CDYL2: variants seen among roughly 807,000 people sequenced by gnomAD.
CDYL2 encodes the protein chromodomain Y-like protein 2.
Under a neutral mutation model 49.4 loss-of-function variants are expected in CDYL2, and 23 were observed. The observed-to-expected ratio is 0.47, with a 90% CI of 0.34 to 0.66. The LOEUF (loss-of-function observed/expected upper bound fraction) is 0.66, where lower values mean the gene tolerates loss of function less well. Among genes scored for constraint, CDYL2 ranks in the 30% least tolerant of loss-of-function variants. CDYL2 has a pLI of 0.01. For missense variants in CDYL2, 678 were observed against 656.4 expected, an observed-to-expected ratio of 1.03 and a Z score of -0.36; for synonymous variants, 360 against 268.8, an observed-to-expected ratio of 1.34 and a Z score of -3.32.
At position 80,715,621 on chromosome 16, in the gene CDYL2, T is replaced by C. The variant is rs143217883; in HGVS notation, c.25-30492A>G. Among the ~76,000 whole-genome samples, 824 of 152,266 alleles carry C rather than the reference T, an allele frequency of 5.4e-3. 8 individuals are homozygous for C. Among genetic ancestry groups the C allele is most frequent in the African/African-American group, 0.018 (748 of 41,536 alleles). On this transcript the variant is annotated intron_variant, in intron 1 of 6. Transcript: ENST00000570137. ...TCACATTGCCTCCAGAGGAATTTTT[T>C]TTTTCATAATGAAAATCTGATTGTG...
At chr16:80,677,073 T>A (rs545316788) in intron 2 of CDYL2, among the ~76,000 whole-genome samples, 1 of 147,924 alleles carries the variant, frequency 6.8e-6, no homozygotes, top group Non-Finnish European at 1.5e-5. Flanking sequence ...TGGGCTCAAG[T>A]GATCCTCCCA....
At chr16:80,718,728 T>G (rs189842701) in intron 1 of CDYL2, among the ~76,000 whole-genome samples, 1 of 152,230 alleles carries the variant, frequency 6.6e-6, no homozygotes, top group East Asian at 1.9e-4. Context: ...GACACGTGGA[T>G]AGTGGGATGG....
chr16:80,760,727 T>G (rs1906498409), intron 1 of CDYL2, among the ~76,000 whole-genome samples: 1 of 151,862 alleles, frequency 6.6e-6, no homozygotes, highest in East Asian at 1.9e-4. Flanking sequence ...GATAAAAATC[T>G]TATAAGCCAA....
intron 1 of CDYL2, chr16:80,735,225 A>G (rs1228615094): frequency 6.6e-6 from 1 of 152,254 alleles, no homozygotes; most frequent in African/African-American, 2.4e-5. Context: ...GCAACCAAGA[A>G]TAGATCATGC....
At chr16:80,648,480 AC>A (rs1407297444) in intron 2 of CDYL2, among the ~76,000 whole-genome samples, 2 of 152,118 alleles carry the variant, frequency 1.3e-5, no homozygotes, top group Non-Finnish European at 2.9e-5. Context: ...CAGATCAATA[AC>A]AAGTAGCGAT....
At chr16:80,743,870 G>A (rs928020547) in intron 1 of CDYL2, among the ~76,000 whole-genome samples, 1 of 152,116 alleles carries the variant, frequency 6.6e-6, no homozygotes, top group African/African-American at 2.4e-5. Flanking sequence ...TAAAGTGCCT[G>A]AACACAGGCT....
intron 1 of CDYL2, among the ~76,000 whole-genome samples, chr16:80,782,001 A>G (rs992053477): frequency 6.6e-6 from 1 of 151,972 alleles, no homozygotes; most frequent in Non-Finnish European, 1.5e-5. Context: ...TTTAAAAAAG[A>G]GCAAATAAAC....
chr16:80,701,521 G>A (rs1390864354), intron 1 of CDYL2, among the ~76,000 whole-genome samples: 1 of 151,978 alleles, frequency 6.6e-6, no homozygotes, highest in Non-Finnish European at 1.5e-5. Flanking sequence ...AACATATCAT[G>A]GGGAAAAATG....
chr16:80,799,657 A>T (rs541296262), intron 1 of CDYL2, among the ~76,000 whole-genome samples: 1 of 152,110 alleles, frequency 6.6e-6, no homozygotes, highest in African/African-American at 2.4e-5. Context: ...AGCCGTATCA[A>T]CTCCTTACTA....
chr16:80,605,941 AGAG>A (rs1464491503), intron 6 of CDYL2, among the ~76,000 whole-genome samples: 5 of 152,248 alleles, frequency 3.3e-5, no homozygotes, highest in African/African-American at 1.2e-4. Context: ...ACTCATGGGT[AGAG>A]GGAGCAGGAA....
chr16:80,643,619 A>C (rs925277432), intron 2 of CDYL2, among the ~76,000 whole-genome samples: 2 of 152,232 alleles, frequency 1.3e-5, no homozygotes, highest in South Asian at 2.1e-4. Flanking sequence ...TGGAGGTTCT[A>C]AACTCCAGTT....
chr16:80,658,924 G>C (rs1184235320), intron 2 of CDYL2, among the ~76,000 whole-genome samples: 1 of 152,194 alleles, frequency 6.6e-6, no homozygotes, highest in African/African-American at 2.4e-5. Flanking sequence ...GGGCATATAA[G>C]GCAGCTTGAA....
chr16:80,677,371 G>A lies in CDYL2; in HGVS notation c.616+7167C>T, dbSNP rs73591096. On this transcript the variant is annotated intron_variant, in intron 2 of 6. Transcript: ENST00000570137. ...CTATGGAAGTGATGATGTTATCTAG[G>A]TTTTCAGATTGAGTGGCATGGAGTT... is the stretch of plus-strand genomic sequence containing the variant. 5.2e-3 allele frequency among the ~76,000 whole-genome samples: 796 copies of A among 152,246 alleles called. 7 individuals are homozygous for A. The highest frequency in any genetic ancestry group is 0.018 in the African/African-American group (761 of 41,530).
At chr16:80,635,389 G>C (rs1470081417) in intron 2 of CDYL2, among the ~76,000 whole-genome samples, 1 of 152,086 alleles carries the variant, frequency 6.6e-6, no homozygotes, top group Non-Finnish European at 1.5e-5. Flanking sequence ...CAAAATCAAC[G>C]TGCAAAAATC....
intron 1 of CDYL2, among the ~76,000 whole-genome samples, chr16:80,726,807 G>T (rs753261863): frequency 2.6e-5 from 4 of 151,262 alleles, no homozygotes; most frequent in Non-Finnish European, 5.9e-5. Flanking sequence ...CAAACAAACA[G>T]CTAAGCATGG....
rs1906085732 is a variant in CDYL2 at position 80,601,563 on chromosome 16, G to A, written c.*2825C>T. The A allele has an allele frequency of 6.6e-6, 1 of 152,176 alleles. No individual in the cohort carries two copies. The highest frequency in any genetic ancestry group is 2.1e-4 in the South Asian group (1 of 4,822). The allele number at this position is 152,176 out of a possible 1,614,324, so 9.4% of individuals were successfully genotyped here. A position where few individuals can be genotyped will look rare whatever the true frequency, so the allele number is the denominator to read the frequency against. Reference sequence around the variant, plus strand: ...TGGAAGATCAAAAATGAAAGTCTGAGCTCTGTCTCAGGAAAGCTATTAGGA... The same window carrying A: ...TGGAAGATCAAAAATGAAAGTCTGAACTCTGTCTCAGGAAAGCTATTAGGA... On this transcript the variant is annotated 3_prime_UTR_variant, in exon 7 of 7. Coordinates refer to ENST00000570137, the MANE Select transcript of CDYL2 (RefSeq NM_152342.4).
At chr16:80,684,204 G>T (rs1910082476) in intron 2 of CDYL2, among the ~76,000 whole-genome samples, 1 of 152,196 alleles carries the variant, frequency 6.6e-6, no homozygotes, top group Non-Finnish European at 1.5e-5. Flanking sequence ...TTGGGTCCTG[G>T]GGGTGAGGAC....
chr16:80,674,302 G>A (rs1305569418), intron 2 of CDYL2, among the ~76,000 whole-genome samples: 1 of 152,124 alleles, frequency 6.6e-6, no homozygotes, highest in East Asian at 1.9e-4. Context: ...AGAAATGGGG[G>A]CTGTCGAGGA....
At chr16:80,803,454 A>G (rs1309996112) in intron 1 of CDYL2, among the ~76,000 whole-genome samples, 1 of 151,622 alleles carries the variant, frequency 6.6e-6, no homozygotes, top group Non-Finnish European at 1.5e-5. Flanking sequence ...GCCCCCAGGG[A>G]GCACGACACC....
Sources: allele counts gnomAD v4.1 joint callset (sites outside exome capture counted in the v4.1 genomes callset), GRCh38; gene constraint gnomAD v4.1.1; transcripts MANE v1.5; gene names NCBI Gene and HGNC (gene_info 2026-07-23, HGNC 2026-07-21).